Variants in JUP observed in about 807,000 individuals in gnomAD.
JUP encodes the protein catenin (cadherin-associated protein), gamma 80kDa.
A neutral mutation model predicts 71.1 loss-of-function variants in JUP; 28 were observed. That is an observed-to-expected ratio of 0.39 (90% CI 0.29 to 0.54). The LOEUF is 0.54. Among genes scored for constraint, JUP ranks in the 20% least tolerant of loss-of-function variants. The pLI is 0.62. For synonymous variants in JUP, 401 were observed against 438.9 expected (o/e 0.91, Z 1.08); for missense variants, 869 against 1,030.1 (o/e 0.84, Z 2.14).
chr17:41,769,531 G>A lies in JUP; in HGVS notation c.355C>T (p.Pro119Ser), dbSNP rs1271003668. ...ATGGCCGACTTGAGCAGCTGGGACG[G>A]CTCGGCCAGTCGCTGCAGGTTGGTG... ...QATNLQRLAE[P>S]SQLLKSAIVH... The change falls in exon 3 of 14, where the codon CCG (proline) becomes TCG (serine). Residue 119 changes from proline to serine, a missense_variant. By Grantham distance (74) the Pro-to-Ser change is moderately conservative. Transcript: ENST00000393931. 6.2e-7 allele frequency: 1 copy of A among 1,610,806 alleles called. No individual in the cohort carries two copies. The highest frequency in any genetic ancestry group is 1.7e-5 in the Admixed American group (1 of 59,614).
Position 41,755,657 on chromosome 17 carries a change from C to G in JUP, c.*87G>C. The G allele has an allele frequency of 7.7e-7, 1 of 1,301,828 alleles. No individual in the cohort carries two copies. Among genetic ancestry groups the G allele is most frequent in the Non-Finnish European group, 1.0e-6 (1 of 964,570 alleles). 80.6% of individuals were successfully genotyped at this position (1,301,828 alleles called of 1,614,324 possible). ...CCCAAAAAAGGAGCGCAGGTTTCAG[C>G]GGGGAGATGGGAGGGCCTCCAACAG... On this transcript the variant is annotated 3_prime_UTR_variant, in exon 14 of 14. Transcript: ENST00000393931.
intron 1 of JUP, among the ~76,000 whole-genome samples, chr17:41,775,733 C>A (rs1312250753): frequency 6.6e-6 from 1 of 152,236 alleles, no homozygotes; most frequent in Non-Finnish European, 1.5e-5. Context: ...ACTGTAGGGA[C>A]AGCCCAAGGA....
intron 7 of JUP, among the ~76,000 whole-genome samples, chr17:41,763,801 C>T (rs1407039057): frequency 1.3e-5 from 2 of 152,270 alleles, no homozygotes; most frequent in East Asian, 3.9e-4. Flanking sequence ...ACCCTGGGGC[C>T]CTGAGCCAAA....
chr17:41,759,358 G>T (rs1914428681), intron 8 of JUP, among the ~76,000 whole-genome samples: 1 of 151,872 alleles, frequency 6.6e-6, no homozygotes, highest in Admixed American at 6.6e-5. Flanking sequence ...TACAGGTGTG[G>T]GCTACCACGT....
At position 41,763,181 on chromosome 17, in the gene JUP, G is replaced by A. The variant is rs376345105; in HGVS notation, c.1299C>T (p.Ser433=). 98 of 1,614,120 alleles carry A rather than the reference G, an allele frequency of 6.1e-5. 1 individual carries two copies. In the South Asian group the frequency reaches 7.9e-4, roughly 13 times the overall value. ...TGGCATGGATGAGAGCCTCCACACC[G>A]CTGTTCTGTGTCACCAGCGTCTTGT... is the stretch of plus-strand genomic sequence containing the variant. ...SKNKTLVTQN[S]GVEALIHAIL... The change falls in exon 8 of 14, where the codon AGC becomes AGT. Residue 433 remains serine, a synonymous_variant. Coordinates refer to ENST00000393931, the MANE Select transcript of JUP (RefSeq NM_002230.4).
At chr17:41,765,515 C>A (rs1555603726) in intron 5 of JUP, among the ~76,000 whole-genome samples, 1 of 152,042 alleles carries the variant, frequency 6.6e-6, no homozygotes. Context: ...TCACGCCCGG[C>A]TAATTTCTGT....
chr17:41,773,145 G>A (rs1916921137), intron 1 of JUP, among the ~76,000 whole-genome samples: 2 of 152,230 alleles, frequency 1.3e-5, no homozygotes, highest in African/African-American at 4.8e-5. Flanking sequence ...GCCTCAGTGA[G>A]TAAGCAGAAC....
At chr17:41,772,147 A>C in intron 1 of JUP, 1 of 514,770 alleles carries the variant, frequency 1.9e-6, no homozygotes, top group East Asian at 3.6e-5. Context: ...CCCAGGGGGC[A>C]GGACAGTCAA....
intron 7 of JUP, 23 bp from the exon 8 acceptor site, chr17:41,763,344 G>A: frequency 1.3e-6 from 2 of 1,579,316 alleles, no homozygotes; most frequent in Non-Finnish European, 1.7e-6. Flanking sequence ...GAAGGGACGG[G>A]GGAGTCAGGG....
chr17:41,771,755 C>A lies in JUP; in HGVS notation c.100G>T (p.Val34Leu). 1 of 1,614,120 alleles carries A rather than the reference C, an allele frequency of 6.2e-7. No individual in the cohort carries two copies. Among genetic ancestry groups the A allele is most frequent in the East Asian group, 2.2e-5 (1 of 44,878 alleles). Reference protein sequence around the residue: ...SGIHSGANTCVPSVSSKGIME... With the variant: ...SGIHSGANTCLPSVSSKGIME... Reference sequence around the variant, plus strand: ...ATGCCCTTGCTGCTGACGGAGGGCACGCAGGTGTTGGCGCCCGAGTGGATA... The same window carrying A: ...ATGCCCTTGCTGCTGACGGAGGGCAAGCAGGTGTTGGCGCCCGAGTGGATA... Residue 34 changes from valine (V) to leucine (L), a missense_variant, in exon 2 of 14, where the codon GTG (valine) becomes TTG (leucine). Val to Leu is a conservative substitution (Grantham distance 32). Coordinates refer to ENST00000393931, the MANE Select transcript of JUP (RefSeq NM_002230.4).
chr17:41,773,039 G>A (rs1003320916), intron 1 of JUP: 12 of 968,492 alleles, frequency 1.2e-5, no homozygotes, highest in African/African-American at 7.0e-5. Context: ...GGTCCCCCGC[G>A]TACAGATGCA....
intron 4 of JUP, among the ~76,000 whole-genome samples, 162 bp downstream of exon 4, chr17:41,768,807 T>TG (rs1916108069): frequency 6.6e-6 from 1 of 152,234 alleles, no homozygotes; most frequent in Non-Finnish European, 1.5e-5. Flanking sequence ...TACATGCCTG[T>TG]GTTCCCTGCT....
Position 41,763,438 on chromosome 17 carries a change from C to T in JUP, c.1159-117G>A, listed in dbSNP as rs139339309. ...GGGGTCAGCCCTGCCTGTGTGTGCC[C>T]GGGAACTTTCATCCCTATGACCCGC... is the stretch of plus-strand genomic sequence containing the variant. On this transcript the variant is annotated intron_variant, in intron 7 of 13. Transcript: ENST00000393931. 1.4e-4 allele frequency: 100 copies of T among 705,780 alleles called. 1 individual carries two copies. The highest frequency in any genetic ancestry group is 1.0e-3 in the South Asian group (61 of 58,252). The allele number at this position is 705,780 out of a possible 1,614,324, so 43.7% of individuals were successfully genotyped here.
intron 1 of JUP, among the ~76,000 whole-genome samples, chr17:41,781,668 G>C (rs1555610308): frequency 6.6e-6 from 1 of 152,202 alleles, no homozygotes; most frequent in Non-Finnish European, 1.5e-5. Flanking sequence ...CTCACTGCCA[G>C]GTCGCTCTTC....
In JUP at chr17:41,769,529, C is replaced by A. The variant is rs782579395; in HGVS notation, c.357G>T (p.Pro119=). ...QATNLQRLAE[P]SQLLKSAIVH... ...CAATGGCCGACTTGAGCAGCTGGGA[C>A]GGCTCGGCCAGTCGCTGCAGGTTGG... Residue 119 remains proline (P), a synonymous_variant, in exon 3 of 14, where the codon CCG becomes CCT. Transcript: ENST00000393931. 1 of 1,611,284 alleles carries A rather than the reference C, an allele frequency of 6.2e-7. No individual in the cohort carries two copies. Among genetic ancestry groups the A allele is most frequent in the East Asian group, 2.2e-5 (1 of 44,758 alleles).
Position 41,763,176 on chromosome 17 carries a change from A to G in JUP, c.1304T>C (p.Val435Ala). Reference protein sequence around the residue: ...NKTLVTQNSGVEALIHAILRA... With the variant: ...NKTLVTQNSGAEALIHAILRA... ...CAGGATGGCATGGATGAGAGCCTCCACACCGCTGTTCTGTGTCACCAGCGT... is the reference window on the plus strand; with the variant it reads ...CAGGATGGCATGGATGAGAGCCTCCGCACCGCTGTTCTGTGTCACCAGCGT... Residue 435 changes from valine (V) to alanine (A), a missense_variant, in exon 8 of 14, where the codon GTG becomes GCG. Val to Ala is a moderately conservative substitution (Grantham distance 64). Transcript: ENST00000393931. 6.2e-7 allele frequency: 1 copy of G among 1,614,242 alleles called. No homozygotes were observed. The highest frequency in any genetic ancestry group is 1.1e-5 in the South Asian group (1 of 91,084).
intron 1 of JUP, among the ~76,000 whole-genome samples, chr17:41,781,449 A>AGG (rs1249725637): frequency 6.6e-6 from 1 of 152,212 alleles, no homozygotes; most frequent in Non-Finnish European, 1.5e-5. Context: ...GGCTGAGCAA[A>AGG]GGAGAGTGGT....
chr17:41,774,537 T>A (rs1278645084), intron 1 of JUP, among the ~76,000 whole-genome samples: 1 of 152,040 alleles, frequency 6.6e-6, no homozygotes, highest in African/African-American at 2.4e-5. Context: ...TTTCCCCATG[T>A]TGGCCAGGCT....
At chr17:41,779,349 T>C (rs1256108480) in intron 1 of JUP, among the ~76,000 whole-genome samples, 3 of 148,044 alleles carry the variant, frequency 2.0e-5, no homozygotes, top group Non-Finnish European at 4.5e-5. Context: ...TTTTTTTTTT[T>C]TTTTTGAGAC....
Sources: allele counts gnomAD v4.1 joint callset (sites outside exome capture counted in the v4.1 genomes callset), GRCh38; gene constraint gnomAD v4.1.1; transcripts MANE v1.5; gene names NCBI Gene and HGNC (gene_info 2026-07-23, HGNC 2026-07-21).